ADGRB1: variants seen among roughly 807,000 people sequenced by gnomAD.
ADGRB1 encodes adhesion G protein-coupled receptor B1, also known as brain-specific angiogenesis inhibitor 1.
A neutral mutation model predicts 175.7 loss-of-function variants in ADGRB1; 36 were observed. The ratio of observed to expected loss-of-function variants is 0.20; its 90% CI spans 0.16 to 0.27. The LOEUF (loss-of-function observed/expected upper bound fraction) is 0.27, where lower values mean the gene tolerates loss of function less well. ADGRB1 is among the 10% of genes least tolerant of loss of function. ADGRB1 has a pLI of 1.00. For synonymous variants in ADGRB1, 1,054 were observed against 979.4 expected (o/e 1.08, Z -1.42); for missense variants, 1,731 against 2,255.3 (o/e 0.77, Z 4.71).
rs553681431 is a variant in ADGRB1 at position 142,541,547 on chromosome 8, G to A, written c.3707-394G>A. Reference sequence around the variant, plus strand: ...GCCCAGGGCCGTGGGCGTCGGGAGCGTTGGAGGGCCGGCTGGGCTCTGCCA... The same window carrying A: ...GCCCAGGGCCGTGGGCGTCGGGAGCATTGGAGGGCCGGCTGGGCTCTGCCA... On this transcript the variant is annotated intron_variant, in intron 27 of 30. Coordinates refer to ENST00000517894, the MANE Select transcript of ADGRB1 (RefSeq NM_001702.3). Among the ~76,000 whole-genome samples, 836 of 152,336 alleles carry A rather than the reference G, an allele frequency of 5.5e-3. 7 individuals are homozygous for A. The highest frequency in any genetic ancestry group is 0.019 in the African/African-American group (799 of 41,574).
rs111579504 is a variant in ADGRB1 at position 142,491,654 on chromosome 8, C to A, written c.2675+839C>A. Among the ~76,000 whole-genome samples, 1,430 of 152,288 alleles carry A rather than the reference C, an allele frequency of 9.4e-3. 35 individuals are homozygous for A. Among genetic ancestry groups the A allele is most frequent in the African/African-American group, 0.033 (1,355 of 41,552 alleles). Reference sequence around the variant, plus strand: ...GGGGACCTGGGTGTGTGCACCCTGCCGCCCGCCTCCTCCGAGCGTGTTCCT... The same window carrying A: ...GGGGACCTGGGTGTGTGCACCCTGCAGCCCGCCTCCTCCGAGCGTGTTCCT... On this transcript the variant is annotated intron_variant, in intron 17 of 30. Transcript: ENST00000517894.
intron 1 of ADGRB1, among the ~76,000 whole-genome samples, chr8:142,457,745 C>T (rs1033414045): frequency 5.3e-5 from 8 of 152,148 alleles, no homozygotes; most frequent in Non-Finnish European, 7.4e-5. Context: ...GAGGCTATCT[C>T]GGCACCCCCT....
chr8:142,481,525 G>A lies in ADGRB1; in HGVS notation c.1944G>A (p.Glu648=), dbSNP rs368706351. The change falls in exon 11 of 31, where the codon GAG becomes GAA. Residue 648 remains glutamate (E), a synonymous_variant. Transcript: ENST00000517894. Reference sequence around the variant, plus strand: ...CTCTCTGTCTTCCGCAGACCCGGGAGCACCTGGCCAAGGCTCAGCGAGGGC... The same window carrying A: ...CTCTCTGTCTTCCGCAGACCCGGGAACACCTGGCCAAGGCTCAGCGAGGGC... ...DYRNIQMMTR[E]HLAKAQRGLP... is the part of the protein sequence containing the mutation. 5.9e-5 allele frequency: 94 copies of A among 1,580,708 alleles called. No individual in the cohort carries two copies. In the African/African-American group the frequency reaches 1.0e-3, roughly 17 times the overall value.
intron 13 of ADGRB1, among the ~76,000 whole-genome samples, chr8:142,487,966 C>A (rs1841767460): frequency 6.6e-6 from 1 of 152,214 alleles, no homozygotes; most frequent in Non-Finnish European, 1.5e-5. Context: ...GCTCCCCTGT[C>A]CCAGGAGGGA....
At position 142,542,747 on chromosome 8, in the gene ADGRB1, C is replaced by T. The variant is rs565772201; in HGVS notation, c.4413+100C>T. 3.4e-4 allele frequency: 390 copies of T among 1,148,878 alleles called. No homozygotes were observed. The highest frequency in any genetic ancestry group is 3.0e-3 in the African/African-American group (185 of 61,312). The allele number at this position is 1,148,878 out of a possible 1,614,324, so 71.2% of individuals were successfully genotyped here. A position where few individuals can be genotyped will look rare whatever the true frequency, so the allele number is the denominator to read the frequency against. ...TGGGACCCCCACGCCGTCAGCGGGG[C>T]GGGCTGGCTCTGCCTCCTAGCTACA... On this transcript the variant is annotated intron_variant, in intron 28 of 30. Transcript: ENST00000517894. This position sits in a 1 kb window ranked among gnomAD's most constrained non-coding sequence, Gnocchi z 6.3.
At chr8:142,494,281 C>G (rs1842115436) in intron 17 of ADGRB1, among the ~76,000 whole-genome samples, 1 of 136,262 alleles carries the variant, frequency 7.3e-6, no homozygotes, top group African/African-American at 2.8e-5. Flanking sequence ...TGGTCATAGG[C>G]TGAGCCCTGA....
At chr8:142,485,269 C>T (rs954978263) in intron 13 of ADGRB1, among the ~76,000 whole-genome samples, 2 of 152,182 alleles carry the variant, frequency 1.3e-5, no homozygotes, top group Admixed American at 6.5e-5. Flanking sequence ...GGCTGAATCC[C>T]GGGGTAAAAG....
rs1340201561 is a variant in ADGRB1 at position 142,464,017 on chromosome 8, G to C, written c.-182G>C. 2 of 471,168 alleles carry C rather than the reference G, an allele frequency of 4.2e-6. No homozygotes were observed. Among genetic ancestry groups the C allele is most frequent in the Non-Finnish European group, 6.6e-6 (2 of 301,794 alleles). The allele number at this position is 471,168 out of a possible 1,614,324, so 29.2% of individuals were successfully genotyped here. On this transcript the variant is annotated 5_prime_UTR_variant, in exon 2 of 31. Transcript: ENST00000517894. ...GCCACAGGCTGGCACCAGGGCCCTG[G>C]ACTTTAGAAGCCGTTGCTGCCCTCT...
intron 11 of ADGRB1, 120 bp from the exon 12 acceptor site, chr8:142,483,857 G>T: frequency 9.4e-7 from 1 of 1,062,728 alleles, no homozygotes; most frequent in Non-Finnish European, 1.4e-6. Context: ...ACTGAGCCCT[G>T]ATCCTGGTCA....
At chr8:142,471,057 G>A (rs1279672750) in intron 2 of ADGRB1, among the ~76,000 whole-genome samples, 6 of 152,308 alleles carry the variant, frequency 3.9e-5, no homozygotes, top group South Asian at 2.1e-4. Context: ...AGGGAGCACC[G>A]AGGGGCTTGG....
intron 17 of ADGRB1, among the ~76,000 whole-genome samples, chr8:142,507,334 T>A (rs1461466045): frequency 1.1e-4 from 17 of 152,256 alleles, no homozygotes; most frequent in African/African-American, 4.1e-4. Flanking sequence ...GGAGGGCACC[T>A]GCACTGCAGG....
At chr8:142,478,112 C>T in intron 6 of ADGRB1, 75 bp from the exon 7 acceptor site, 1 of 1,536,328 alleles carries the variant, frequency 6.5e-7, no homozygotes. Flanking sequence ...ACCCAGGGTG[C>T]TCACACCCAC....
At chr8:142,502,435 GT>G (rs1842651966) in intron 17 of ADGRB1, among the ~76,000 whole-genome samples, 1 of 5,518 alleles carries the variant, frequency 1.8e-4, no homozygotes, top group Non-Finnish European at 4.4e-4. Flanking sequence ...GGTGGTGGTG[GT>G]AGTGGTGGTG....
chr8:142,455,829 G>A lies in ADGRB1; in HGVS notation c.-220+5725G>A, dbSNP rs187743613. Among the ~76,000 whole-genome samples, 23 of 152,286 alleles carry A rather than the reference G, an allele frequency of 1.5e-4. No homozygotes were observed. In the East Asian group the frequency reaches 2.1e-3, roughly 14 times the overall value. ...CTTCCAAAGCCCACACCCCACCCCC[G>A]ACCACCGGGCCCTGGGGGCACACGG... On this transcript the variant is annotated intron_variant, in intron 1 of 30. Coordinates refer to ENST00000517894, the MANE Select transcript of ADGRB1 (RefSeq NM_001702.3). The surrounding 1 kb of genome is among the most constrained non-coding windows in gnomAD (Gnocchi z 4.9).
At chr8:142,451,647 C>T (rs1839356819) in intron 1 of ADGRB1, among the ~76,000 whole-genome samples, 1 of 152,118 alleles carries the variant, frequency 6.6e-6, no homozygotes, top group Admixed American at 6.5e-5. Context: ...GGTACTCTCC[C>T]CACAGACACA....
Position 142,537,999 on chromosome 8 carries a change from C to T in ADGRB1, c.3666+917C>T, listed in dbSNP as rs1845042367. On this transcript the variant is annotated intron_variant, in intron 26 of 30. Transcript: ENST00000517894. This position sits in a 1 kb window ranked among gnomAD's most constrained non-coding sequence, Gnocchi z 4.6. ...GTGGAGCCAGGCCCCCTTCTCCACC[C>T]TCTAGGCCTCAGGACAGCATCCACG... Among the ~76,000 whole-genome samples, 5 of 152,340 alleles carry T rather than the reference C, an allele frequency of 3.3e-5. No individual in the cohort carries two copies. The South Asian group carries it at 1.0e-3, about 32-fold the overall frequency.
At chr8:142,524,126 G>T (rs1025354068) in intron 22 of ADGRB1, 112 bp from the exon 23 acceptor site, 3 of 1,207,380 alleles carry the variant, frequency 2.5e-6, no homozygotes, top group Non-Finnish European at 3.5e-6. Flanking sequence ...CTTAATAAGT[G>T]CCAGTTTTCT....
In ADGRB1 at chr8:142,537,186, A is replaced by T; in HGVS notation, c.3666+104A>T. ...CCCCAAGCTCCCCTAGGCCCCAGCA[A>T]CCCTGCTGAGAGGAGCTCTGAACCC... On this transcript the variant is annotated intron_variant, in intron 26 of 30. Transcript: ENST00000517894. This position sits in a 1 kb window ranked among gnomAD's most constrained non-coding sequence, Gnocchi z 4.6. The T allele has an allele frequency of 1.1e-6, 1 of 913,168 alleles. No individual in the cohort carries two copies. Among genetic ancestry groups the T allele is most frequent in the African/African-American group, 1.7e-5 (1 of 57,354 alleles). The allele number at this position is 913,168 out of a possible 1,614,324, so 56.6% of individuals were successfully genotyped here. A position where few individuals can be genotyped will look rare whatever the true frequency, so the allele number is the denominator to read the frequency against.
At chr8:142,452,336 C>G (rs958716350) in intron 1 of ADGRB1, among the ~76,000 whole-genome samples, 3 of 152,214 alleles carry the variant, frequency 2.0e-5, no homozygotes, top group Non-Finnish European at 4.4e-5. Context: ...TTGCCGCCTC[C>G]GATCCCAGGG....
Sources: allele counts gnomAD v4.1 joint callset (sites outside exome capture counted in the v4.1 genomes callset), GRCh38; gene constraint gnomAD v4.1.1; non-coding constraint Gnocchi (gnomAD v3.1); transcripts MANE v1.5; gene names NCBI Gene and HGNC (gene_info 2026-07-23, HGNC 2026-07-21).